Variants in TNRC6A observed in about 807,000 individuals in gnomAD.
TNRC6A encodes the protein trinucleotide repeat-containing gene 6A protein.
A neutral mutation model predicts 221.2 loss-of-function variants in TNRC6A; 44 were observed. The ratio of observed to expected loss-of-function variants is 0.20; its 90% confidence interval spans 0.16 to 0.26. The LOEUF (loss-of-function observed/expected upper bound fraction) is 0.26. Among genes scored for constraint, TNRC6A ranks in the 10% least tolerant of loss-of-function variants. The probability of loss-of-function intolerance (pLI) is 1.00; values close to 1 mark genes in which losing one functional copy is unlikely to be tolerated. For synonymous variants in TNRC6A, 847 were observed against 838.5 expected (o/e 1.01, Z -0.18); for missense variants, 2,199 against 2,404.4 (o/e 0.91, Z 1.79).
intron 2 of TNRC6A, among the ~76,000 whole-genome samples, chr16:24,698,082 C>A (rs547625688): frequency 6.6e-6 from 1 of 150,724 alleles, no homozygotes; most frequent in Admixed American, 6.6e-5. Flanking sequence ...AATCCCAGCA[C>A]TTTGAGGGGC....
At chr16:24,704,581 C>T (rs1189355362) in intron 2 of TNRC6A, among the ~76,000 whole-genome samples, 1 of 139,630 alleles carries the variant, frequency 7.2e-6, no homozygotes. Context: ...AGGAGAATCA[C>T]TTGAATCTGG....
intron 1 of TNRC6A, among the ~76,000 whole-genome samples, chr16:24,638,478 C>T (rs1236124430): frequency 1.3e-5 from 2 of 152,034 alleles, no homozygotes; most frequent in African/African-American, 4.8e-5. Context: ...TTTGGGAGGC[C>T]GAGGCAGGCG....
intron 2 of TNRC6A, among the ~76,000 whole-genome samples, chr16:24,708,746 C>T (rs12599497): frequency 0.066 from 10,098 of 152,046 alleles, 857 homozygotes; most frequent in East Asian, 0.36. Flanking sequence ...GAGAACATAC[C>T]GTATTTGGTT....
intron 2 of TNRC6A, among the ~76,000 whole-genome samples, chr16:24,688,567 C>T (rs1320255950): frequency 1.3e-5 from 2 of 152,120 alleles, no homozygotes; most frequent in Non-Finnish European, 2.9e-5. Context: ...ATGGCATTTG[C>T]CTAGAGATAA....
At chr16:24,666,193 G>C (rs1173589250) in intron 2 of TNRC6A, among the ~76,000 whole-genome samples, 1 of 152,072 alleles carries the variant, frequency 6.6e-6, no homozygotes, top group African/African-American at 2.4e-5. Flanking sequence ...GGGCAGCCAG[G>C]AGCAGTGGCT....
At chr16:24,663,945 G>A (rs2055089753) in intron 2 of TNRC6A, 1 of 456,578 alleles carries the variant, frequency 2.2e-6, no homozygotes, top group Non-Finnish European at 4.4e-6. Flanking sequence ...AACAGGTGAA[G>A]AGCCAGTCCT....
chr16:24,678,005 C>T (rs538854089), intron 2 of TNRC6A, among the ~76,000 whole-genome samples: 1 of 151,980 alleles, frequency 6.6e-6, no homozygotes, highest in African/African-American at 2.4e-5. Context: ...TGTAGTGTAA[C>T]ACTTCTAATA....
At chr16:24,679,921 A>G (rs566590860) in intron 2 of TNRC6A, among the ~76,000 whole-genome samples, 2 of 152,290 alleles carry the variant, frequency 1.3e-5, no homozygotes, top group East Asian at 3.9e-4. Flanking sequence ...CTGGATCTTT[A>G]AACAAGATTC....
chr16:24,744,458 A>G (rs2151324813), intron 2 of TNRC6A, among the ~76,000 whole-genome samples: 1 of 152,238 alleles, frequency 6.6e-6, no homozygotes, highest in East Asian at 1.9e-4. Flanking sequence ...ATTAGTTGAT[A>G]TTTTACTGTA....
At chr16:24,734,593 T>TA (rs144416990) in intron 2 of TNRC6A, among the ~76,000 whole-genome samples, 1,663 of 152,342 alleles carry the variant, frequency 0.011, 18 homozygotes, top group Admixed American at 0.02. Context: ...TTCAGTAACT[T>TA]ACGCAAGTTT....
At chr16:24,805,188 C>T in intron 14 of TNRC6A, 37 bp downstream of exon 14, 1 of 1,601,422 alleles carries the variant, frequency 6.2e-7, no homozygotes. Flanking sequence ...TGTTTACCTG[C>T]AAAAAGGATC....
rs377182892 is a variant in TNRC6A at position 24,789,491 on chromosome 16, T to C, written c.849T>C (p.Leu283=). 16 of 1,614,180 alleles carry C rather than the reference T, an allele frequency of 9.9e-6. No homozygotes were observed. The highest frequency in any genetic ancestry group is 1.4e-5 in the Non-Finnish European group (16 of 1,180,030). Residue 283 remains leucine, a synonymous_variant, in exon 6 of 25, where the codon CTT becomes CTC. Transcript: ENST00000395799. ...ACACAGGTGGTGAAAAAGATGGCCT[T>C]CGGAATAGCACTGGACTTGGTTCCC... ...SGNTGGEKDG[L]RNSTGLGSQN... is the part of the protein sequence containing the mutation.
At chr16:24,657,708 C>CAAAA (rs35669037) in intron 2 of TNRC6A, among the ~76,000 whole-genome samples, 1 of 122,102 alleles carries the variant, frequency 8.2e-6, no homozygotes. Context: ...AGCTCCATCT[C>CAAAA]AAAAAAAAAA....
Position 24,824,093 on chromosome 16 carries a change from TTC to T in TNRC6A, c.*288_*289del. On this transcript the variant is annotated 3_prime_UTR_variant, in exon 25 of 25. Coordinates refer to ENST00000395799, the MANE Select transcript of TNRC6A (RefSeq NM_014494.4). Reference sequence around the variant, plus strand: ...CTATTCATCATGTTTAGCCTTTGGATTCTTTTTTTTTTTTTCCTTCTATTCCT... The same window carrying T: ...CTATTCATCATGTTTAGCCTTTGGATTTTTTTTTTTTTTCCTTCTATTCCT... The T allele has an allele frequency of 4.4e-6, 1 of 225,946 alleles. No homozygotes were observed. Among genetic ancestry groups the T allele is most frequent in the South Asian group, 2.2e-4 (1 of 4,542 alleles). 14.0% of individuals were successfully genotyped at this position (225,946 alleles called of 1,614,324 possible).
chr16:24,611,004 G>A (rs908997064), intron 1 of TNRC6A, among the ~76,000 whole-genome samples: 1 of 151,950 alleles, frequency 6.6e-6, no homozygotes, highest in African/African-American at 2.4e-5. Flanking sequence ...GTAGAGATGG[G>A]GTTTCACCAT....
chr16:24,777,410 T>G (rs529021367), intron 5 of TNRC6A, 52 bp downstream of exon 5: 3 of 1,531,908 alleles, frequency 2.0e-6, no homozygotes, highest in Non-Finnish European at 2.6e-6. Flanking sequence ...ATTAGCTGTA[T>G]AGCAAGTTGA....
rs746014810 is a variant in TNRC6A at position 24,750,780 on chromosome 16, C to T, written c.108C>T (p.Asp36=). The change falls in exon 3 of 25, where the codon GAC becomes GAT. Residue 36 remains aspartate (D), a synonymous_variant. Coordinates refer to ENST00000395799, the MANE Select transcript of TNRC6A (RefSeq NM_014494.4). ...TGGAAGAAAAGAAAAAGAAAAAAGA[C>T]GACAAGAAAAAGAAGGAAGCTGCTC... The part of the protein sequence containing the change: ...QLMEEKKKKK[D]DKKKKEAAQK... The T allele has an allele frequency of 6.4e-6, 10 of 1,562,116 alleles. No individual in the cohort carries two copies. The highest frequency in any genetic ancestry group is 5.8e-5 in the Admixed American group (3 of 52,052).
chr16:24,665,080 G>T (rs80016599), intron 2 of TNRC6A: 21,710 of 432,248 alleles, frequency 0.05, 1,723 homozygotes, highest in African/African-American at 0.23. Flanking sequence ...GTTTATTTAT[G>T]TTAGAGACAA....
Position 24,765,915 on chromosome 16 carries a change from G to A in TNRC6A, c.163+7555G>A, listed in dbSNP as rs935073652. On this transcript the variant is annotated intron_variant, in intron 4 of 24. Transcript: ENST00000395799. ...GCTATGAAGAATGCTAAGGAGACCCGTTTTGGCTTTAGGCAAGGATTATTT... is the reference window on the plus strand; with the variant it reads ...GCTATGAAGAATGCTAAGGAGACCCATTTTGGCTTTAGGCAAGGATTATTT... Among the ~76,000 whole-genome samples, 7 of 152,098 alleles carry A rather than the reference G, an allele frequency of 4.6e-5. No individual in the cohort carries two copies. The East Asian group carries it at 5.8e-4, about 13-fold the overall frequency.
Sources: gnomAD v4.1 joint callset for allele counts (sites outside exome capture counted in the v4.1 genomes callset) on GRCh38, gnomAD v4.1.1 for gene constraint, MANE v1.5 for transcripts, NCBI Gene and HGNC (gene_info 2026-07-23, HGNC 2026-07-21) for gene names.